The following BABAM2 variants were observed in gnomAD, a reference collection of about 807,000 sequenced individuals.
BABAM2 encodes BRISC and BRCA1-A complex member 2.
In BABAM2, 31 loss-of-function variants were observed where a neutral mutation model predicts 54.7. The observed-to-expected ratio is 0.57, with a 90% CI of 0.43 to 0.77. The LOEUF (loss-of-function observed/expected upper bound fraction) is 0.77, where lower values mean the gene tolerates loss of function less well. Among genes scored for constraint, BABAM2 ranks in the 30% least tolerant of loss-of-function variants. The probability of loss-of-function intolerance (pLI) is 0.00; values close to 1 mark genes in which losing one functional copy is unlikely to be tolerated. For synonymous variants in BABAM2, 167 were observed against 162.9 expected (o/e 1.03, Z -0.19); for missense variants, 364 against 455.8 (o/e 0.80, Z 1.83).
intron 7 of BABAM2, among the ~76,000 whole-genome samples, chr2:28,203,191 C>T (rs541911655): frequency 1.2e-4 from 19 of 152,304 alleles, no homozygotes; most frequent in South Asian, 2.1e-4. Flanking sequence ...ATTTTAGGAT[C>T]TGGGTTTCTC....
chr2:28,084,042 T>G (rs952039032), intron 6 of BABAM2, among the ~76,000 whole-genome samples: 5 of 152,208 alleles, frequency 3.3e-5, no homozygotes, highest in Non-Finnish European at 5.9e-5. Context: ...TCTCTTGTGA[T>G]GCACAGCAGA....
intron 7 of BABAM2, among the ~76,000 whole-genome samples, chr2:28,193,088 T>C (rs949070474): frequency 2.0e-5 from 3 of 151,878 alleles, no homozygotes; most frequent in Non-Finnish European, 4.4e-5. Flanking sequence ...GCAGGAGGCT[T>C]GAACCCAGGA....
chr2:28,251,028 G>A (rs574186693), intron 10 of BABAM2, among the ~76,000 whole-genome samples: 1 of 152,238 alleles, frequency 6.6e-6, no homozygotes, highest in African/African-American at 2.4e-5. Context: ...TTGGGGCTGG[G>A]GTGGCAGTGT....
chr2:28,261,361 C>G (rs1210128023), intron 10 of BABAM2, among the ~76,000 whole-genome samples: 1 of 146,006 alleles, frequency 6.8e-6, no homozygotes, highest in South Asian at 2.1e-4. Context: ...GAGTCTTGCT[C>G]TGTCGCCCAG....
intron 3 of BABAM2, among the ~76,000 whole-genome samples, chr2:27,985,601 A>G (rs1672342233): frequency 6.6e-6 from 1 of 152,136 alleles, no homozygotes; most frequent in Non-Finnish European, 1.5e-5. Flanking sequence ...TTTATTGAAT[A>G]TATTCTATTT....
intron 3 of BABAM2, among the ~76,000 whole-genome samples, chr2:27,979,669 A>G (rs1373790548): frequency 1.3e-5 from 2 of 152,142 alleles, no homozygotes; most frequent in East Asian, 1.9e-4. Context: ...GACTGATGTT[A>G]GATGGTATCT....
chr2:28,074,385 C>A (rs1573526261), intron 6 of BABAM2, among the ~76,000 whole-genome samples: 1 of 152,030 alleles, frequency 6.6e-6, no homozygotes, highest in Non-Finnish European at 1.5e-5. Flanking sequence ...TTGTGATAGC[C>A]AAAAATATCT....
At chr2:28,201,763 T>G (rs1372869266) in intron 7 of BABAM2, among the ~76,000 whole-genome samples, 4 of 152,098 alleles carry the variant, frequency 2.6e-5, no homozygotes, top group Non-Finnish European at 2.9e-5. Flanking sequence ...ATTTCTTAAG[T>G]CTTAAGACTT....
At chr2:28,315,246 T>G (rs1689431860) in intron 11 of BABAM2, among the ~76,000 whole-genome samples, 1 of 152,038 alleles carries the variant, frequency 6.6e-6, no homozygotes, top group South Asian at 2.1e-4. Context: ...GTTTGTTTGT[T>G]TGTTTGTTTG....
intron 6 of BABAM2, among the ~76,000 whole-genome samples, chr2:28,051,278 T>C (rs952880329): frequency 6.6e-6 from 1 of 152,210 alleles, no homozygotes; most frequent in Non-Finnish European, 1.5e-5. Context: ...CTGTGAGAAT[T>C]CCCAGTGCTG....
intron 5 of BABAM2, among the ~76,000 whole-genome samples, chr2:28,041,096 A>G (rs1029541709): frequency 6.6e-6 from 1 of 152,236 alleles, no homozygotes; most frequent in Non-Finnish European, 1.5e-5. Context: ...AGTGCTAAAT[A>G]TGTAATTATC....
intron 7 of BABAM2, among the ~76,000 whole-genome samples, chr2:28,184,832 G>C (rs1371926317): frequency 6.6e-6 from 1 of 152,222 alleles, no homozygotes; most frequent in East Asian, 1.9e-4. Context: ...CTTTCCCCAG[G>C]TAGTTTATGT....
At chr2:27,940,026 T>A (rs1211037923) in intron 3 of BABAM2, among the ~76,000 whole-genome samples, 1 of 152,216 alleles carries the variant, frequency 6.6e-6, no homozygotes, top group Non-Finnish European at 1.5e-5. Flanking sequence ...AAGATTCTAT[T>A]GAAAAATGTT....
intron 6 of BABAM2, among the ~76,000 whole-genome samples, chr2:28,061,455 G>A (rs892939582): frequency 3.4e-4 from 52 of 151,452 alleles, no homozygotes; most frequent in Non-Finnish European, 5.9e-4. Flanking sequence ...CGTGGTGGCG[G>A]GCGCCTGTAG....
At chr2:28,142,293 A>G (rs541002092) in intron 7 of BABAM2, among the ~76,000 whole-genome samples, 9 of 152,252 alleles carry the variant, frequency 5.9e-5, no homozygotes, top group Admixed American at 2.0e-4. Flanking sequence ...AAAACAAATG[A>G]TGGGTTAACA....
chr2:27,938,919 C>T (rs1668678260), intron 3 of BABAM2, among the ~76,000 whole-genome samples: 1 of 152,082 alleles, frequency 6.6e-6, no homozygotes, highest in African/African-American at 2.4e-5. Flanking sequence ...CATTAAATCT[C>T]ATTGAAAACT....
chr2:27,970,108 A>G (rs955575953), intron 3 of BABAM2, among the ~76,000 whole-genome samples: 28 of 152,090 alleles, frequency 1.8e-4, no homozygotes, highest in African/African-American at 6.3e-4. Context: ...TATATGCTAT[A>G]TTTTTTCACT....
chr2:28,111,289 C>T (rs1209145303), intron 6 of BABAM2, among the ~76,000 whole-genome samples: 2 of 151,934 alleles, frequency 1.3e-5, no homozygotes, highest in South Asian at 4.2e-4. Context: ...CCGGCTGTTT[C>T]TATATCTTCT....
intron 6 of BABAM2, among the ~76,000 whole-genome samples, chr2:28,126,492 C>CATAGT (rs1669553348): frequency 1.4e-5 from 2 of 145,360 alleles, no homozygotes; most frequent in Non-Finnish European, 3.0e-5. Flanking sequence ...TTTATGGCTG[C>CATAGT]ATAGTATTCC....
Sources: gnomAD v4.1 joint callset for allele counts (sites outside exome capture counted in the v4.1 genomes callset) on GRCh38, gnomAD v4.1.1 for gene constraint, MANE v1.5 for transcripts, NCBI Gene and HGNC (gene_info 2026-07-23, HGNC 2026-07-21) for gene names.